Variants in CSMD1 observed in about 807,000 individuals in gnomAD.
The protein encoded by CSMD1 is CUB and sushi domain-containing protein 1.
CSMD1 carries 213 observed loss-of-function variants against 417.5 expected under a neutral mutation model. The observed-to-expected ratio is 0.51, with a 90% CI of 0.46 to 0.57. The LOEUF (loss-of-function observed/expected upper bound fraction) is 0.57, where lower values mean the gene tolerates loss of function less well. CSMD1 is among the 20% of genes least tolerant of loss of function. The pLI is 0.00. For synonymous variants in CSMD1, 2,862 were observed against 1,736.8 expected (o/e 1.65, Z -16.11); for missense variants, 6,923 against 4,529.7 (o/e 1.53, Z -15.17).
intron 5 of CSMD1, among the ~76,000 whole-genome samples, chr8:3,825,127 G>T (rs1263001324): frequency 1.3e-5 from 2 of 152,124 alleles, no homozygotes; most frequent in Admixed American, 1.3e-4. Flanking sequence ...GATTTGAAAG[G>T]AAGCACAGGG....
chr8:3,509,372 A>C (rs1028451661), intron 10 of CSMD1, among the ~76,000 whole-genome samples: 1 of 152,234 alleles, frequency 6.6e-6, no homozygotes, highest in Non-Finnish European at 1.5e-5. Flanking sequence ...TTGTCATAAG[A>C]AAAAATAATC....
At position 4,418,143 on chromosome 8, in the gene CSMD1, T is replaced by A. The variant is rs35434499; in HGVS notation, c.415+1810A>T. 3.3e-3 allele frequency among the ~76,000 whole-genome samples: 501 copies of A among 152,160 alleles called. 3 individuals carry two copies. Among genetic ancestry groups the A allele is most frequent in the African/African-American group, 0.012 (482 of 41,542 alleles). On this transcript the variant is annotated intron_variant, in intron 3 of 69. Coordinates refer to ENST00000635120, the MANE Select transcript of CSMD1 (RefSeq NM_033225.6). Reference sequence around the variant, plus strand: ...ACCTTTTTGACAGGTTTTTTTCTTTTAAATAGAGGTTTGTCTTCACTTGTC... The same window carrying A: ...ACCTTTTTGACAGGTTTTTTTCTTTAAAATAGAGGTTTGTCTTCACTTGTC...
At chr8:3,448,581 G>A (rs1421371918) in intron 12 of CSMD1, among the ~76,000 whole-genome samples, 13 of 152,064 alleles carry the variant, frequency 8.5e-5, no homozygotes, top group Non-Finnish European at 1.3e-4. Context: ...GTTGCTGTAA[G>A]TCCATGAGTA....
intron 1 of CSMD1, among the ~76,000 whole-genome samples, chr8:4,713,895 G>C (rs1464696489): frequency 6.6e-6 from 1 of 152,036 alleles, no homozygotes; most frequent in Non-Finnish European, 1.5e-5. Context: ...ATAAAATTTG[G>C]GCTTGTGGGG....
chr8:4,538,518 C>T (rs937715063), intron 2 of CSMD1, among the ~76,000 whole-genome samples: 6 of 152,000 alleles, frequency 3.9e-5, no homozygotes, highest in African/African-American at 1.5e-4. Flanking sequence ...TGGCAGGTGC[C>T]TGTAATCCCA....
chr8:4,697,894 TA>T (rs1334718738), intron 1 of CSMD1, among the ~76,000 whole-genome samples: 1 of 152,192 alleles, frequency 6.6e-6, no homozygotes, highest in Non-Finnish European at 1.5e-5. Flanking sequence ...GGACCATTTT[TA>T]GTTTAAGAAT....
chr8:4,677,022 A>G (rs1397660879), intron 1 of CSMD1, among the ~76,000 whole-genome samples: 1 of 144,870 alleles, frequency 6.9e-6, no homozygotes, highest in Non-Finnish European at 1.5e-5. Flanking sequence ...AATTTTACAT[A>G]GAATTTTATA....
At chr8:3,691,299 G>C (rs1007266414) in intron 7 of CSMD1, among the ~76,000 whole-genome samples, 5 of 151,948 alleles carry the variant, frequency 3.3e-5, no homozygotes, top group Non-Finnish European at 5.9e-5. Context: ...CCTGGGAGGC[G>C]GAGGTTGCAG....
At chr8:4,847,539 C>A (rs569149284) in intron 1 of CSMD1, among the ~76,000 whole-genome samples, 3 of 152,024 alleles carry the variant, frequency 2.0e-5, no homozygotes, top group Admixed American at 1.3e-4. Flanking sequence ...GTTAGTGGGC[C>A]GATACTGGAA....
chr8:3,162,297 T>A lies in CSMD1; in HGVS notation c.5726-20A>T, dbSNP rs530783894. The A allele has an allele frequency of 5.1e-5, 74 of 1,452,110 alleles. 2 individuals carry two copies. The Admixed American group carries it at 1.1e-3, about 22-fold the overall frequency. The allele number at this position is 1,452,110 out of a possible 1,614,324, so 90.0% of individuals were successfully genotyped here. A position where few individuals can be genotyped will look rare whatever the true frequency, so the allele number is the denominator to read the frequency against. ...CTACAGCTAGAAATGCAAAGACAAA[T>A]GCTAGAAATTATATGATGTAAACAA... On this transcript the variant is annotated intron_variant, in intron 37 of 69. Coordinates refer to ENST00000635120, the MANE Select transcript of CSMD1 (RefSeq NM_033225.6).
chr8:3,863,592 C>T (rs1042862988), intron 5 of CSMD1, among the ~76,000 whole-genome samples: 5 of 152,096 alleles, frequency 3.3e-5, no homozygotes, highest in Non-Finnish European at 5.9e-5. Context: ...CTAAGCCTGA[C>T]ATCAAACCTT....
chr8:3,953,386 T>A (rs1398996439), intron 5 of CSMD1, among the ~76,000 whole-genome samples: 1 of 152,190 alleles, frequency 6.6e-6, no homozygotes, highest in Non-Finnish European at 1.5e-5. Context: ...TGTTTATATA[T>A]ACTTAGATAT....
At chr8:3,075,305 T>C (rs146334918) in intron 49 of CSMD1, among the ~76,000 whole-genome samples, 2,341 of 150,392 alleles carry the variant, frequency 0.016, 69 homozygotes, top group African/African-American at 0.054. Flanking sequence ...TAGATGGAGT[T>C]TCGCCCTGTC....
chr8:2,957,833 TC>T lies in CSMD1; in HGVS notation c.9703-27del, dbSNP rs751012512. 49 of 1,463,444 alleles carry T rather than the reference TC, an allele frequency of 3.3e-5. No individual in the cohort carries two copies. The African/African-American group carries it at 6.7e-4, about 20-fold the overall frequency. 90.7% of individuals were successfully genotyped at this position (1,463,444 alleles called of 1,614,324 possible). ...CTAGAGAGGAAATCCAATACTAGCT[TC>T]AGAGGCCAAGGGAATATACGAAGTG... On this transcript the variant is annotated intron_variant, in intron 62 of 69. Coordinates refer to ENST00000635120, the MANE Select transcript of CSMD1 (RefSeq NM_033225.6).
chr8:3,766,850 T>C (rs1798297683), intron 5 of CSMD1, among the ~76,000 whole-genome samples: 1 of 152,118 alleles, frequency 6.6e-6, no homozygotes, highest in Admixed American at 6.5e-5. Flanking sequence ...AGTCTACCAT[T>C]TTCTTTTTTC....
intron 10 of CSMD1, among the ~76,000 whole-genome samples, chr8:3,558,610 T>C (rs985077727): frequency 3.9e-4 from 51 of 129,132 alleles, no homozygotes; most frequent in Non-Finnish European, 6.7e-4. Context: ...CCGTGTCCAC[T>C]CCTCCAATGA....
At chr8:3,848,285 C>T (rs13260600) in intron 5 of CSMD1, among the ~76,000 whole-genome samples, 18,698 of 152,162 alleles carry the variant, frequency 0.12, 1,245 homozygotes, top group South Asian at 0.18. Flanking sequence ...AACAGGGGAG[C>T]TCATTCTACT....
At chr8:3,156,868 G>C (rs1294850232) in intron 39 of CSMD1, among the ~76,000 whole-genome samples, 1 of 151,572 alleles carries the variant, frequency 6.6e-6, no homozygotes, top group African/African-American at 2.4e-5. Flanking sequence ...TGGGGCATTG[G>C]AGCTAAGAAT....
chr8:4,169,764 A>G (rs796197805), intron 3 of CSMD1, among the ~76,000 whole-genome samples: 3 of 152,206 alleles, frequency 2.0e-5, no homozygotes, highest in South Asian at 2.1e-4. Context: ...AGGACTATTC[A>G]TGGGATGCTT....
Sources: allele counts gnomAD v4.1 joint callset (sites outside exome capture counted in the v4.1 genomes callset), GRCh38; gene constraint gnomAD v4.1.1; transcripts MANE v1.5; gene names NCBI Gene and HGNC (gene_info 2026-07-23, HGNC 2026-07-21).